Variants in GALNT3 observed in about 807,000 individuals in gnomAD.
GALNT3 encodes the protein polypeptide N-acetylgalactosaminyltransferase 3.
Under a neutral mutation model 69.8 loss-of-function variants are expected in GALNT3, and 51 were observed. The ratio of observed to expected loss-of-function variants is 0.73; its 90% CI spans 0.58 to 0.92. GALNT3 has a LOEUF of 0.92. GALNT3 is among the 40% of genes least tolerant of loss of function. The probability of loss-of-function intolerance (pLI) is 0.00; values close to 1 mark genes in which losing one functional copy is unlikely to be tolerated. For missense variants in GALNT3, 711 were observed against 760.0 expected, an observed-to-expected ratio of 0.94 and a Z score of 0.76; for synonymous variants, 265 against 248.5, an observed-to-expected ratio of 1.07 and a Z score of -0.63.
At chr2:165,785,577 A>G (rs1683203103) in intron 1 of GALNT3, among the ~76,000 whole-genome samples, 1 of 152,228 alleles carries the variant, frequency 6.6e-6, no homozygotes, top group Admixed American at 6.5e-5. Flanking sequence ...GTATGAAGGT[A>G]GAATAAAGAG....
intron 1 of GALNT3, among the ~76,000 whole-genome samples, chr2:165,775,018 G>A (rs935363357): frequency 2.8e-5 from 4 of 143,852 alleles, no homozygotes; most frequent in South Asian, 2.2e-4. Context: ...GCCTCCCAAC[G>A]TGCTGGGATT....
In GALNT3 at chr2:165,748,638, C is replaced by T. The variant is rs771919992; in HGVS notation, c.*143G>A. On this transcript the variant is annotated 3_prime_UTR_variant, in exon 11 of 11. Coordinates refer to ENST00000392701, the MANE Select transcript of GALNT3 (RefSeq NM_004482.4). ...TTGCAGAATTTCTGTAGTAGTGCTA[C>T]ATAAAGATATAAATAAGAAAAATGC... is the stretch of plus-strand genomic sequence containing the variant. 9.3e-5 allele frequency: 68 copies of T among 732,870 alleles called. No individual in the cohort carries two copies. The highest frequency in any genetic ancestry group is 1.5e-4 in the Non-Finnish European group (66 of 445,118). The allele number at this position is 732,870 out of a possible 1,614,324, so 45.4% of individuals were successfully genotyped here. A position where few individuals can be genotyped will look rare whatever the true frequency, so the allele number is the denominator to read the frequency against.
rs753385900 is a variant in GALNT3 at position 165,755,029 on chromosome 2, A to G, written c.1427T>C (p.Ile476Thr). 1.6e-5 allele frequency: 25 copies of G among 1,612,460 alleles called. No homozygotes were observed. Among genetic ancestry groups the G allele is most frequent in the Non-Finnish European group, 2.1e-5 (25 of 1,178,782 alleles). The change falls in exon 8 of 11, where the codon ATA becomes ACA. Residue 476 changes from isoleucine (I) to threonine (T), a missense_variant. By Grantham distance (89) the Ile-to-Thr change is moderately conservative. Transcript: ENST00000392701. ...ATTTTTACACTGAAGGCGGTGTTTT[A>G]TTTCAAATCTTTTTGAAAGATCACC... ...AFGDLSKRFE[I>T]KHRLQCKNFT...
rs1324315587 is a variant in GALNT3 at position 165,779,733 on chromosome 2, C to CGTTCA, written c.-108-8926_-108-8925insTGAAC. 2.0e-5 allele frequency among the ~76,000 whole-genome samples: 3 copies of CGTTCA among 151,862 alleles called. No homozygotes were observed. The East Asian group carries it at 5.8e-4, about 29-fold the overall frequency. On this transcript the variant is annotated intron_variant, in intron 1 of 10. Transcript: ENST00000392701. ...AGGCAAAGAAAAAATGTGCATTGAACCTGAGAAAGCTGATTGAAAAAAAAT... is the reference window on the plus strand; with the variant it reads ...AGGCAAAGAAAAAATGTGCATTGAACGTTCACTGAGAAAGCTGATTGAAAAAAAAT...
chr2:165,793,917 A>AGCCCGTG (rs1450240310), intron 1 of GALNT3, 98 bp downstream of exon 1: 1 of 152,806 alleles, frequency 6.5e-6, no homozygotes, highest in Admixed American at 6.6e-5. Context: ...CCTGGACCGT[A>AGCCCGTG]GCCCTGTCCC....
At chr2:165,788,616 G>C (rs1212570103) in intron 1 of GALNT3, among the ~76,000 whole-genome samples, 1 of 151,702 alleles carries the variant, frequency 6.6e-6, no homozygotes, top group African/African-American at 2.4e-5. Context: ...GTGGGTGAGG[G>C]GACACAGTTT....
chr2:165,748,888 T>G lies in GALNT3; in HGVS notation c.1795A>C (p.Asn599His). 6.2e-7 allele frequency: 1 copy of G among 1,610,138 alleles called. No homozygotes were observed. The highest frequency in any genetic ancestry group is 8.5e-7 in the Non-Finnish European group (1 of 1,177,366). ...GAAAGGCACATTTTTAAGAATGGAT[T>G]GTATAGAAGTTGATCCTAGAATAAA... is the stretch of plus-strand genomic sequence containing the variant. ...WEIQKDQLLYNPFLKMCLSAN... is the reference protein window; with the variant it reads ...WEIQKDQLLYHPFLKMCLSAN... The change falls in exon 11 of 11, where the codon AAT (asparagine) becomes CAT (histidine). Residue 599 changes from asparagine (N) to histidine (H), a missense_variant. Physicochemically the swap from Asn to His is moderately conservative, Grantham distance 68. Coordinates refer to ENST00000392701, the MANE Select transcript of GALNT3 (RefSeq NM_004482.4).
chr2:165,748,922 A>G lies in GALNT3; in HGVS notation c.1780-19T>C. On this transcript the variant is annotated intron_variant, in intron 10 of 10. Transcript: ENST00000392701. The stretch of plus-strand genomic sequence containing the variant: ...GTTGATCCTAGAATAAAAGGAAACA[A>G]CAGACATTAAATTCCAAGACTCATA... 1 of 1,603,760 alleles carries G rather than the reference A, an allele frequency of 6.2e-7. No individual in the cohort carries two copies. Among genetic ancestry groups the G allele is most frequent in the Non-Finnish European group, 8.5e-7 (1 of 1,172,844 alleles).
At chr2:165,753,884 A>G (rs1215024546) in intron 9 of GALNT3, among the ~76,000 whole-genome samples, 1 of 152,222 alleles carries the variant, frequency 6.6e-6, no homozygotes, top group African/African-American at 2.4e-5. Flanking sequence ...AAATTAATTT[A>G]TAATGCTCTA....
chr2:165,760,660 G>A (rs1018352374), intron 4 of GALNT3, among the ~76,000 whole-genome samples: 2 of 152,174 alleles, frequency 1.3e-5, no homozygotes, highest in African/African-American at 2.4e-5. Context: ...GGTATTAAAA[G>A]AGAACTGAAT....
chr2:165,757,046 C>A lies in GALNT3; in HGVS notation c.1392+1G>T. The stretch of plus-strand genomic sequence containing the variant: ...AATTTAACTACTTAGCTTTAACTTA[C>A]TTGTTTAACAATTTTTGCTGCATCT... On this transcript the variant is annotated splice_donor_variant, in intron 7 of 10. Transcript: ENST00000392701. LOFTEE classifies it high-confidence loss of function. 1 of 1,608,788 alleles carries A rather than the reference C, an allele frequency of 6.2e-7. No homozygotes were observed. Among genetic ancestry groups the A allele is most frequent in the African/African-American group, 1.3e-5 (1 of 74,906 alleles).
intron 4 of GALNT3, 123 bp from the exon 5 acceptor site, chr2:165,759,693 A>G: frequency 1.4e-6 from 1 of 713,078 alleles, no homozygotes; most frequent in East Asian, 2.7e-5. Flanking sequence ...GAACATGTAT[A>G]TAATGGAGAT....
intron 1 of GALNT3, among the ~76,000 whole-genome samples, chr2:165,785,381 A>C (rs1683199339): frequency 6.6e-6 from 1 of 152,184 alleles, no homozygotes; most frequent in South Asian, 2.1e-4. Context: ...TTGTTTTTAT[A>C]TTTTTAAAAA....
intron 4 of GALNT3, 86 bp from the exon 5 acceptor site, chr2:165,759,656 G>T: frequency 1.1e-6 from 1 of 906,392 alleles, no homozygotes; most frequent in South Asian, 1.4e-5. Flanking sequence ...ACAGAGAAAT[G>T]AGAATAACAG....
intron 1 of GALNT3, among the ~76,000 whole-genome samples, chr2:165,789,557 C>T (rs1683298423): frequency 6.6e-6 from 1 of 152,144 alleles, no homozygotes; most frequent in South Asian, 2.1e-4. Flanking sequence ...TTATGATTCA[C>T]TCTCCCAAAT....
chr2:165,748,670 A>G lies in GALNT3; in HGVS notation c.*111T>C. The G allele has an allele frequency of 1.0e-6, 1 of 986,222 alleles. No homozygotes were observed. The highest frequency in any genetic ancestry group is 1.5e-5 in the South Asian group (1 of 68,736). The allele number at this position is 986,222 out of a possible 1,614,324, so 61.1% of individuals were successfully genotyped here. On this transcript the variant is annotated 3_prime_UTR_variant, in exon 11 of 11. Transcript: ENST00000392701. ...ATATAAATAAGAAAAATGCACTTGG[A>G]ATAAGTTACATTTAGCTGCTTTTGC...
rs1016749267 is a variant in GALNT3, at chr2:165,756,945, T to C, written c.1392+102A>G. 42 of 913,542 alleles carry C rather than the reference T, an allele frequency of 4.6e-5. No homozygotes were observed. In the African/African-American group the frequency reaches 6.5e-4, roughly 14 times the overall value. The allele number at this position is 913,542 out of a possible 1,614,324, so 56.6% of individuals were successfully genotyped here. A position where few individuals can be genotyped will look rare whatever the true frequency, so the allele number is the denominator to read the frequency against. ...GTACTTTAAGAGTTAAAAACCTACT[T>C]TCAAATTTTTTGATGTTTTGTACTT... is the stretch of plus-strand genomic sequence containing the variant. On this transcript the variant is annotated intron_variant, in intron 7 of 10. Transcript: ENST00000392701.
At position 165,791,392 on chromosome 2, in the gene GALNT3, G is replaced by A. The variant is rs539875888; in HGVS notation, c.-109+2623C>T. ...TCACATTGAGGGCTCCAGCACTTTC[G>A]TGGTCATAAAGCAGTCTAATTGTTT... is the stretch of plus-strand genomic sequence containing the variant. On this transcript the variant is annotated intron_variant, in intron 1 of 10. Coordinates refer to ENST00000392701, the MANE Select transcript of GALNT3 (RefSeq NM_004482.4). 3.9e-5 allele frequency among the ~76,000 whole-genome samples: 6 copies of A among 152,116 alleles called. No individual in the cohort carries two copies. The East Asian group carries it at 7.7e-4, about 20-fold the overall frequency.
chr2:165,757,304 G>A (rs1688463793), intron 6 of GALNT3, 57 bp from the exon 7 acceptor site: 3 of 1,538,790 alleles, frequency 1.9e-6, no homozygotes. Flanking sequence ...TCAAAGTGTT[G>A]CTTTTAAGTT....
Sources: gnomAD v4.1 joint callset for allele counts (sites outside exome capture counted in the v4.1 genomes callset) on GRCh38, gnomAD v4.1.1 for gene constraint, MANE v1.5 for transcripts, NCBI Gene and HGNC (gene_info 2026-07-23, HGNC 2026-07-21) for gene names.